Variants in ENOX2 observed in about 807,000 individuals in gnomAD.
ENOX2 encodes ecto-NOX disulfide-thiol exchanger 2, also known as APK1 antigen.
In ENOX2, 36 loss-of-function variants were observed where a neutral mutation model predicts 45.0. That is an observed-to-expected ratio of 0.80 (90% confidence interval 0.61 to 1.06). ENOX2 has a LOEUF of 1.06. Among genes scored for constraint, ENOX2 ranks in the 50% least tolerant of loss-of-function variants. The pLI is 0.00. For missense variants in ENOX2, 423 were observed against 462.5 expected, an observed-to-expected ratio of 0.91 and a Z score of 0.78; for synonymous variants, 174 against 152.3, an observed-to-expected ratio of 1.14 and a Z score of -1.05.
chrX:130,811,130 C>T (rs2077382976), intron 2 of ENOX2, among the ~76,000 whole-genome samples: 1 of 111,532 alleles, frequency 9.0e-6, no homozygotes, highest in African/African-American at 3.3e-5. Context: ...AGGCTATCTG[C>T]CTACATGAGT....
intron 14 of ENOX2, among the ~76,000 whole-genome samples, chrX:130,627,169 G>C (rs1185744065): frequency 1.8e-5 from 2 of 110,965 alleles, no homozygotes; most frequent in African/African-American, 6.6e-5. Context: ...TTTTTTTTTG[G>C]CACCTGCCTC....
At chrX:130,847,543 A>G (rs1400376675) in intron 2 of ENOX2, among the ~76,000 whole-genome samples, 1 of 111,912 alleles carries the variant, frequency 8.9e-6, no homozygotes, top group East Asian at 2.8e-4. Flanking sequence ...CAAAGGATCC[A>G]TAGAAAAATC....
chrX:130,880,667 T>C (rs765894267), intron 2 of ENOX2, among the ~76,000 whole-genome samples: 1 of 112,067 alleles, frequency 8.9e-6, no homozygotes, highest in Non-Finnish European at 1.9e-5. Flanking sequence ...AAAGGGACTA[T>C]GAGAGCTAAA....
chrX:130,887,440 C>T (rs1235295463), intron 2 of ENOX2, among the ~76,000 whole-genome samples: 1 of 110,639 alleles, frequency 9.0e-6, no homozygotes, highest in Non-Finnish European at 1.9e-5. Context: ...CAGCTCCAGC[C>T]GAGCAACTGA....
At chrX:130,720,149 A>G (rs1052429372) in intron 3 of ENOX2, among the ~76,000 whole-genome samples, 2 of 112,311 alleles carry the variant, frequency 1.8e-5, no homozygotes, top group Admixed American at 9.4e-5. Flanking sequence ...GTGGCTAAAC[A>G]TGGCCCCCAA....
chrX:130,632,364 CGGG>C (rs368726852), intron 12 of ENOX2, among the ~76,000 whole-genome samples: 6 of 7,784 alleles, frequency 7.7e-4, no homozygotes, highest in South Asian at 0.015. Flanking sequence ...CAGGAAGGGG[CGGG>C]GGGGGGGGGT....
chrX:130,898,022 T>C (rs1177080567), intron 2 of ENOX2, among the ~76,000 whole-genome samples: 1 of 110,635 alleles, frequency 9.0e-6, no homozygotes, highest in Non-Finnish European at 1.9e-5. Context: ...CTTTTTTTTT[T>C]TTTGAGACAG....
At chrX:130,806,112 T>C (rs1382316118) in intron 2 of ENOX2, among the ~76,000 whole-genome samples, 3 of 111,722 alleles carry the variant, frequency 2.7e-5, no homozygotes, top group Non-Finnish European at 5.6e-5. Context: ...GAATCACAGA[T>C]GACAGAACCA....
intron 2 of ENOX2, among the ~76,000 whole-genome samples, chrX:130,873,894 G>C (rs1296026310): frequency 9.1e-6 from 1 of 109,410 alleles, no homozygotes; most frequent in Non-Finnish European, 1.9e-5. Context: ...GGGCCTGTCA[G>C]GGGGTGGGGG....
At chrX:130,724,941 A>C (rs1305757904) in intron 3 of ENOX2, among the ~76,000 whole-genome samples, 1 of 111,152 alleles carries the variant, frequency 9.0e-6, no homozygotes, top group Non-Finnish European at 1.9e-5. Flanking sequence ...TGTCCAGTGC[A>C]TATTGGCTGA....
chrX:130,887,946 G>T lies in ENOX2; in HGVS notation c.-183+13738C>A, dbSNP rs140997556. ...TGAATATTTGCTAATTTTCCCTAAA[G>T]AATTGTATTTTTAAAAGGCTGGAAG... On this transcript the variant is annotated intron_variant, in intron 2 of 14. Transcript: ENST00000394363. Among the ~76,000 whole-genome samples the T allele has an allele frequency of 1.5e-4, 17 of 111,730 alleles. No individual in the cohort carries two copies. In the East Asian group the frequency reaches 4.5e-3, roughly 30 times the overall value.
intron 5 of ENOX2, among the ~76,000 whole-genome samples, chrX:130,682,026 C>A (rs1046667337): frequency 9.4e-5 from 10 of 106,591 alleles, no homozygotes. Flanking sequence ...CCCCCCCCCC[C>A]ACCGACTATA....
rs182382086 is a variant in ENOX2, at chrX:130,682,023, C to G, written c.254-2275G>C. Among the ~76,000 whole-genome samples, 7 of 107,709 alleles carry G rather than the reference C, an allele frequency of 6.5e-5. No homozygotes were observed. In the East Asian group the frequency reaches 1.2e-3, roughly 18 times the overall value. The allele number at this position is 107,709 out of a possible 115,157, so 93.5% of individuals were successfully genotyped here. On this transcript the variant is annotated intron_variant, in intron 5 of 14. Coordinates refer to ENST00000394363, the MANE Select transcript of ENOX2 (RefSeq NM_006375.4). ...TTTGACCATGGAACACAACCCCCCC[C>G]CCCACCGACTATATAAGGTAAAGAA... is the stretch of plus-strand genomic sequence containing the variant.
chrX:130,803,269 G>C (rs1383667181), intron 2 of ENOX2, among the ~76,000 whole-genome samples: 1 of 111,230 alleles, frequency 9.0e-6, no homozygotes, highest in Non-Finnish European at 1.9e-5. Flanking sequence ...ATCTTTCTAG[G>C]CCTCATCTTC....
intron 8 of ENOX2, among the ~76,000 whole-genome samples, chrX:130,666,781 G>T (rs1237800692): frequency 8.9e-6 from 1 of 111,904 alleles, no homozygotes; most frequent in African/African-American, 3.3e-5. Flanking sequence ...GGGAAGTCAA[G>T]TTTGGAAAGA....
chrX:130,850,719 C>T (rs1027815297), intron 2 of ENOX2, among the ~76,000 whole-genome samples: 7 of 112,322 alleles, frequency 6.2e-5, no homozygotes, highest in Non-Finnish European at 1.1e-4. Context: ...TCAACGAACA[C>T]GTTTTATATG....
chrX:130,655,116 T>C (rs1293068094), intron 10 of ENOX2, among the ~76,000 whole-genome samples: 2 of 112,288 alleles, frequency 1.8e-5, no homozygotes, highest in Non-Finnish European at 3.8e-5. Flanking sequence ...CTTAAATAAT[T>C]TGAATAGTTC....
intron 2 of ENOX2, among the ~76,000 whole-genome samples, chrX:130,800,342 CA>C (rs199592323): frequency 0.033 from 2,064 of 62,080 alleles, 40 homozygotes; most frequent in African/African-American, 0.08. Flanking sequence ...AATGAGTAGT[CA>C]AAAAAAAAAA....
At chrX:130,657,172 T>A (rs1569481649) in intron 9 of ENOX2, among the ~76,000 whole-genome samples, 1 of 112,043 alleles carries the variant, frequency 8.9e-6, no homozygotes, top group East Asian at 2.8e-4. Context: ...TCAGGAGTAA[T>A]ATTCTACCAG....
Sources: allele counts gnomAD v4.1 joint callset (sites outside exome capture counted in the v4.1 genomes callset), GRCh38; gene constraint gnomAD v4.1.1; transcripts MANE v1.5; gene names NCBI Gene and HGNC (gene_info 2026-07-23, HGNC 2026-07-21).